Variants in KHDRBS2 observed in about 807,000 individuals in gnomAD.
The protein encoded by KHDRBS2 is KH domain-containing, RNA-binding, signal transduction-associated protein 2.
KHDRBS2 carries 26 observed loss-of-function variants against 44.3 expected under a neutral mutation model. The ratio of observed to expected loss-of-function variants is 0.59; its 90% CI spans 0.43 to 0.81. The LOEUF is 0.81. Ranked by LOEUF, KHDRBS2 falls within the 40% of genes least tolerant of loss-of-function variation. The pLI, the probability that KHDRBS2 is intolerant of heterozygous loss-of-function variation, is 0.00. For synonymous variants in KHDRBS2, 194 were observed against 151.1 expected (o/e 1.28, Z -2.08); for missense variants, 476 against 433.1 (o/e 1.10, Z -0.88).
chr6:61,721,176 C>T (rs1418174775), intron 7 of KHDRBS2, among the ~76,000 whole-genome samples: 1 of 152,138 alleles, frequency 6.6e-6, no homozygotes, highest in Non-Finnish European at 1.5e-5. Flanking sequence ...GTTTTGGTTA[C>T]TGTAGCCTTG....
At chr6:61,820,805 T>TAA (rs1245800371) in intron 6 of KHDRBS2, among the ~76,000 whole-genome samples, 47 of 152,186 alleles carry the variant, frequency 3.1e-4, no homozygotes, top group Admixed American at 1.4e-3. Context: ...TTAGTCAAAC[T>TAA]ATTTATTAGG....
At chr6:61,563,690 A>G in the KHDRBS2 span, among the ~76,000 whole-genome samples, 1 of 152,088 alleles carries the variant, frequency 6.6e-6, no homozygotes. Flanking sequence ...CCTTTTTATC[A>G]GTCCTGTAGT....
intron 6 of KHDRBS2, among the ~76,000 whole-genome samples, chr6:61,855,243 T>C (rs754456751): frequency 6.6e-6 from 1 of 152,068 alleles, no homozygotes; most frequent in African/African-American, 2.4e-5. Context: ...TTAAACATCA[T>C]AATGCTGTTA....
intron 1 of KHDRBS2, among the ~76,000 whole-genome samples, chr6:62,254,194 G>A (rs1175346558): frequency 6.6e-6 from 1 of 151,952 alleles, no homozygotes; most frequent in African/African-American, 2.4e-5. Context: ...TCACCTCAGA[G>A]CACAGAATAC....
intron 2 of KHDRBS2, among the ~76,000 whole-genome samples, chr6:62,086,256 C>A (rs546796326): frequency 6.6e-6 from 1 of 152,084 alleles, no homozygotes; most frequent in Non-Finnish European, 1.5e-5. Context: ...AGGGAAATGA[C>A]AGCACTACTG....
the KHDRBS2 span, among the ~76,000 whole-genome samples, chr6:61,543,270 T>G: frequency 2.0e-5 from 3 of 151,814 alleles, no homozygotes; most frequent in East Asian, 5.9e-4. Context: ...CAGGAAAAAA[T>G]CTCATAATCT....
chr6:61,894,008 A>G (rs1401504638), intron 6 of KHDRBS2, among the ~76,000 whole-genome samples: 1 of 152,202 alleles, frequency 6.6e-6, no homozygotes, highest in Non-Finnish European at 1.5e-5. Flanking sequence ...AAGGACCACA[A>G]TGTAATTAGT....
chr6:62,235,095 C>A (rs1833501937), intron 1 of KHDRBS2, among the ~76,000 whole-genome samples: 1 of 138,276 alleles, frequency 7.2e-6, no homozygotes, highest in African/African-American at 2.7e-5. Flanking sequence ...TTTTTTGAGC[C>A]AGCTCAAAAT....
At chr6:62,195,777 A>G (rs1373366632) in intron 1 of KHDRBS2, among the ~76,000 whole-genome samples, 1 of 152,136 alleles carries the variant, frequency 6.6e-6, no homozygotes, top group Non-Finnish European at 1.5e-5. Context: ...ATCCCCAAAT[A>G]AAGGTGTCAG....
intron 2 of KHDRBS2, among the ~76,000 whole-genome samples, chr6:62,162,831 A>T (rs9354733): frequency 1.3e-5 from 2 of 151,722 alleles, no homozygotes; most frequent in African/African-American, 2.4e-5. Flanking sequence ...AGAGGAGTGA[A>T]GGGGGTGTCC....
intron 6 of KHDRBS2, among the ~76,000 whole-genome samples, chr6:61,828,089 G>A (rs1195980574): frequency 6.6e-6 from 1 of 152,154 alleles, no homozygotes; most frequent in Admixed American, 6.5e-5. Flanking sequence ...GAGAAAGAAG[G>A]ATCTGGGAGA....
intron 6 of KHDRBS2, among the ~76,000 whole-genome samples, chr6:61,837,453 G>A (rs1449308326): frequency 1.3e-5 from 2 of 151,896 alleles, no homozygotes; most frequent in Non-Finnish European, 2.9e-5. Context: ...TTGAAGGTAA[G>A]AAGAGATTTA....
intron 6 of KHDRBS2, among the ~76,000 whole-genome samples, chr6:61,750,711 C>A (rs1370682467): frequency 6.7e-5 from 10 of 150,350 alleles, no homozygotes; most frequent in Non-Finnish European, 3.0e-5. Context: ...TGCTTATTTA[C>A]CAGGGAGTAA....
chr6:62,204,241 TAA>T (rs1330550585), intron 1 of KHDRBS2, among the ~76,000 whole-genome samples: 2 of 152,202 alleles, frequency 1.3e-5, no homozygotes, highest in Non-Finnish European at 2.9e-5. Context: ...GGAAACTTAC[TAA>T]AAGAGGATGA....
chr6:61,588,071 C>T, the KHDRBS2 span, among the ~76,000 whole-genome samples: 5 of 152,198 alleles, frequency 3.3e-5, no homozygotes, highest in African/African-American at 1.2e-4. Context: ...AAAGGCCACA[C>T]CCTACCATCA....
chr6:62,077,733 C>G (rs1562803885), intron 2 of KHDRBS2, among the ~76,000 whole-genome samples: 1 of 152,004 alleles, frequency 6.6e-6, no homozygotes, highest in Non-Finnish European at 1.5e-5. Flanking sequence ...CGGTTATGCT[C>G]ATTGTCCTAA....
the KHDRBS2 span, among the ~76,000 whole-genome samples, chr6:61,619,095 T>C: frequency 6.6e-6 from 1 of 152,118 alleles, no homozygotes; most frequent in Non-Finnish European, 1.5e-5. Context: ...TTTGGTGAAA[T>C]TGAATATAAA....
At chr6:62,049,100 C>T (rs924659151) in intron 2 of KHDRBS2, among the ~76,000 whole-genome samples, 3 of 151,764 alleles carry the variant, frequency 2.0e-5, no homozygotes, top group Non-Finnish European at 2.9e-5. Flanking sequence ...TCTGCTCTTA[C>T]CCCTTTTATT....
chr6:61,762,795 T>C (rs544917899), intron 6 of KHDRBS2, among the ~76,000 whole-genome samples: 2 of 152,216 alleles, frequency 1.3e-5, no homozygotes, highest in African/African-American at 2.4e-5. Flanking sequence ...AGAAAAACAA[T>C]CAGCATTGAA....
Sources: gnomAD v4.1 joint callset for allele counts (sites outside exome capture counted in the v4.1 genomes callset) on GRCh38, gnomAD v4.1.1 for gene constraint, MANE v1.5 for transcripts, NCBI Gene and HGNC (gene_info 2026-07-23, HGNC 2026-07-21) for gene names.